Variants in GSG1L observed in about 807,000 individuals in gnomAD.
GSG1L encodes the protein GSG1 like.
Under a neutral mutation model 42.1 loss-of-function variants are expected in GSG1L, and 24 were observed. The observed-to-expected ratio is 0.57, with a 90% CI of 0.41 to 0.80. The LOEUF (loss-of-function observed/expected upper bound fraction) is 0.80. GSG1L is among the 30% of genes least tolerant of loss of function. GSG1L has a pLI of 0.00. For missense variants in GSG1L, 445 were observed against 472.2 expected (o/e 0.94, Z 0.53); for synonymous variants, 215 against 203.5 (o/e 1.06, Z -0.48).
intron 1 of GSG1L, among the ~76,000 whole-genome samples, chr16:27,964,038 T>C (rs567559704): frequency 3.3e-5 from 5 of 152,186 alleles, no homozygotes; most frequent in South Asian, 2.1e-4. Flanking sequence ...TAATGTTACA[T>C]TGTTTCCTCA....
chr16:28,053,201 G>C (rs2086238445), intron 1 of GSG1L, among the ~76,000 whole-genome samples: 1 of 152,216 alleles, frequency 6.6e-6, no homozygotes, highest in African/African-American at 2.4e-5. Flanking sequence ...GTGTCCAGAG[G>C]GGACAGAGGC....
chr16:28,030,702 A>G (rs1336278913), intron 1 of GSG1L, among the ~76,000 whole-genome samples: 2 of 150,238 alleles, frequency 1.3e-5, no homozygotes, highest in African/African-American at 4.9e-5. Context: ...TGCCCAGACC[A>G]GGAACTCGGG....
chr16:27,879,146 G>A (rs1412096137), intron 3 of GSG1L, among the ~76,000 whole-genome samples: 1 of 152,210 alleles, frequency 6.6e-6, no homozygotes, highest in Non-Finnish European at 1.5e-5. Flanking sequence ...AGGACTCAGA[G>A]GGACCTGATT....
In GSG1L at chr16:28,063,279, C is replaced by T; in HGVS notation, c.146G>A (p.Arg49His). ...VPKPGCGQGG[R>H]ANCPNSGANA... ...GGCGCCCGAGTTGGGGCAGTTGGCG[C>T]GCCCGCCCTGGCCGCAGCCCGGCTT... The change falls in exon 1 of 7, where the codon CGC (arginine) becomes CAC (histidine). Residue 49 changes from arginine (R) to histidine (H), a missense_variant. By Grantham distance (29) the Arg-to-His change is conservative. This residue lies in a region of GSG1L where 156 missense variants were observed against 128.3 expected (regional missense o/e 1.22). Transcript: ENST00000447459. This position sits in a 1 kb window ranked among gnomAD's most constrained non-coding sequence, Gnocchi z 5.8. 2.9e-6 allele frequency: 4 copies of T among 1,373,038 alleles called. No homozygotes were observed. Among genetic ancestry groups the T allele is most frequent in the Non-Finnish European group, 3.8e-6 (4 of 1,054,426 alleles). 85.1% of individuals were successfully genotyped at this position (1,373,038 alleles called of 1,614,324 possible). A position where few individuals can be genotyped will look rare whatever the true frequency, so the allele number is the denominator to read the frequency against.
intron 2 of GSG1L, among the ~76,000 whole-genome samples, chr16:27,919,612 G>T (rs1205718985): frequency 6.6e-6 from 1 of 152,206 alleles, no homozygotes; most frequent in East Asian, 1.9e-4. Flanking sequence ...TACTCATCAT[G>T]GCAGCCAAGA....
intron 1 of GSG1L, among the ~76,000 whole-genome samples, chr16:27,978,476 A>C (rs1420689976): frequency 6.6e-6 from 1 of 151,894 alleles, no homozygotes; most frequent in Non-Finnish European, 1.5e-5. Flanking sequence ...GCGGATCACG[A>C]GGTCAGGAGT....
At chr16:27,978,771 T>A (rs8043666) in intron 1 of GSG1L, among the ~76,000 whole-genome samples, 65,795 of 150,756 alleles carry the variant, frequency 0.44, 14,840 homozygotes, top group South Asian at 0.6. Flanking sequence ...TTTTTTTTTT[T>A]AAATATATAT....
At chr16:28,061,536 C>G (rs765944870) in intron 1 of GSG1L, among the ~76,000 whole-genome samples, 1 of 152,160 alleles carries the variant, frequency 6.6e-6, no homozygotes, top group East Asian at 1.9e-4. Flanking sequence ...CATCCCAACC[C>G]CATCCAGTAT....
intron 1 of GSG1L, among the ~76,000 whole-genome samples, chr16:28,003,587 A>C (rs1342800573): frequency 6.6e-6 from 1 of 152,204 alleles, no homozygotes; most frequent in Non-Finnish European, 1.5e-5. Context: ...ATGGCCTTGC[A>C]GGAAAACGTG....
chr16:28,057,433 T>G (rs2086292232), intron 1 of GSG1L, among the ~76,000 whole-genome samples: 1 of 151,968 alleles, frequency 6.6e-6, no homozygotes, highest in African/African-American at 2.4e-5. Flanking sequence ...AACTGGTTGG[T>G]GGGGGGGCAC....
At chr16:27,908,164 T>C (rs548463368) in intron 2 of GSG1L, among the ~76,000 whole-genome samples, 4 of 152,216 alleles carry the variant, frequency 2.6e-5, no homozygotes, top group Non-Finnish European at 4.4e-5. Context: ...CTTGCACCTG[T>C]TGTCACCCAG....
In GSG1L at chr16:27,884,594, G is replaced by A. The variant is rs1393393990; in HGVS notation, c.442C>T (p.Leu148=). The A allele has an allele frequency of 3.1e-6, 5 of 1,611,012 alleles. No individual in the cohort carries two copies. Among genetic ancestry groups the A allele is most frequent in the Non-Finnish European group, 4.2e-6 (5 of 1,178,598 alleles). Residue 148 remains leucine (L), a synonymous_variant, in exon 3 of 7, where the codon CTG becomes TTG. Coordinates refer to ENST00000447459, the MANE Select transcript of GSG1L (RefSeq NM_001109763.2). The surrounding 1 kb of genome is among the most constrained non-coding windows in gnomAD (Gnocchi z 4.4). ...ATGAGGCTGAAGCCAACCACCAGCAGCAGAATGTACAGCACCTCGGAGACC... is the reference window on the plus strand; with the variant it reads ...ATGAGGCTGAAGCCAACCACCAGCAACAGAATGTACAGCACCTCGGAGACC... ...SVVSEVLYIL[L]LVVGFSLMCL...
intron 1 of GSG1L, among the ~76,000 whole-genome samples, chr16:28,013,215 G>C (rs1394774453): frequency 9.6e-5 from 7 of 72,710 alleles, no homozygotes; most frequent in African/African-American, 3.2e-4. Flanking sequence ...GCAAAACTCT[G>C]ACTCAAAAAA....
At chr16:27,873,046 C>T (rs1473641112) in intron 3 of GSG1L, among the ~76,000 whole-genome samples, 2 of 152,196 alleles carry the variant, frequency 1.3e-5, no homozygotes, top group Admixed American at 6.5e-5. Context: ...TTCTTTCTTG[C>T]ATGAGATCCA....
At chr16:27,797,839 AAAAAGAG>A (rs1229491920) in intron 6 of GSG1L, among the ~76,000 whole-genome samples, 1 of 151,638 alleles carries the variant, frequency 6.6e-6, no homozygotes, top group African/African-American at 2.4e-5. Flanking sequence ...AAAAAAAAAA[AAAAAGAG>A]AGAGAGAGAG....
intron 4 of GSG1L, among the ~76,000 whole-genome samples, chr16:27,844,652 T>C (rs2083422731): frequency 6.6e-6 from 1 of 152,236 alleles, no homozygotes; most frequent in Non-Finnish European, 1.5e-5. Context: ...AATTTTCACA[T>C]GTCACAAAAC....
chr16:27,978,463 T>C (rs1425403221), intron 1 of GSG1L, among the ~76,000 whole-genome samples: 2 of 151,810 alleles, frequency 1.3e-5, no homozygotes, highest in Non-Finnish European at 2.9e-5. Flanking sequence ...GAAGCCAAGG[T>C]GGGCGGATCA....
intron 1 of GSG1L, among the ~76,000 whole-genome samples, chr16:27,987,330 G>A (rs1243716128): frequency 3.3e-5 from 5 of 152,140 alleles, no homozygotes; most frequent in African/African-American, 1.2e-4. Context: ...TGGTCAGATG[G>A]GTTTAGGCTA....
At chr16:27,804,712 C>T (rs2082936942) in intron 6 of GSG1L, among the ~76,000 whole-genome samples, 1 of 68,258 alleles carries the variant, frequency 1.5e-5, no homozygotes, top group Non-Finnish European at 2.9e-5. Context: ...GGGCACTAGG[C>T]ATCAGGGCAG....
Sources: allele counts gnomAD v4.1 joint callset (sites outside exome capture counted in the v4.1 genomes callset), GRCh38; gene constraint gnomAD v4.1.1; regional missense constraint gnomAD v4.1.1; non-coding constraint Gnocchi (gnomAD v3.1); transcripts MANE v1.5; gene names NCBI Gene and HGNC (gene_info 2026-07-23, HGNC 2026-07-21).